The following SMIM36 variants were observed in gnomAD, a reference collection of about 807,000 sequenced individuals.
SMIM36 encodes the protein small integral membrane protein 36.
At position 55,455,370 on chromosome 17, in the gene SMIM36, C is replaced by T. The variant is rs142935151; in HGVS notation, c.*532-5072G>A. 4.9e-3 allele frequency among the ~76,000 whole-genome samples: 712 copies of T among 144,558 alleles called. 5 individuals carry two copies. The highest frequency in any genetic ancestry group is 0.034 in the East Asian group (152 of 4,438). 94.8% of individuals were successfully genotyped at this position (144,558 alleles called of 152,430 possible). ...TTCCTCTCCCACCACCCCCACGCTGCCCCCCTCCCCACACTGTTGTTCAAA... is the reference window on the plus strand; with the variant it reads ...TTCCTCTCCCACCACCCCCACGCTGTCCCCCTCCCCACACTGTTGTTCAAA... On this transcript the variant is annotated intron_variant, in intron 4 of 4. Transcript: ENST00000636752.
intron 1 of SMIM36, among the ~76,000 whole-genome samples, chr17:55,497,327 T>TG (rs1187278163): frequency 1.3e-5 from 2 of 152,062 alleles, no homozygotes; most frequent in Admixed American, 6.6e-5. Flanking sequence ...TGCAATGGCG[T>TG]GACCTTGGCT....
chr17:55,512,210 T>C (rs1162862701), upstream of SMIM36, among the ~76,000 whole-genome samples: 1 of 152,174 alleles, frequency 6.6e-6, no homozygotes, highest in Non-Finnish European at 1.5e-5. Flanking sequence ...AAGATTCTTC[T>C]AGCCACAAAG....
In SMIM36 at chr17:55,488,170, C is replaced by A. The variant is rs185840624; in HGVS notation, c.*175-8590G>T. 6.6e-5 allele frequency among the ~76,000 whole-genome samples: 10 copies of A among 152,366 alleles called. No homozygotes were observed. The East Asian group carries it at 7.7e-4, about 12-fold the overall frequency. ...ACATCTCAAAGTCAGTCTCCTGAGT[C>A]AGGCCAGGACAGTAGTCCCATGTCT... On this transcript the variant is annotated intron_variant, in intron 1 of 4. Transcript: ENST00000636752.
chr17:55,460,290 C>T (rs915412208), intron 4 of SMIM36, among the ~76,000 whole-genome samples: 5 of 151,464 alleles, frequency 3.3e-5, no homozygotes, highest in African/African-American at 9.7e-5. Context: ...TAGCCAGGTG[C>T]GGTGGCAGGT....
intron 3 of SMIM36, among the ~76,000 whole-genome samples, chr17:55,467,624 CT>C (rs1909264102): frequency 6.6e-6 from 1 of 152,152 alleles, no homozygotes; most frequent in African/African-American, 2.4e-5. Context: ...TCTCGATCTC[CT>C]GACCTCGTGA....
chr17:55,471,288 T>C (rs902586911), intron 3 of SMIM36, among the ~76,000 whole-genome samples: 3 of 152,132 alleles, frequency 2.0e-5, no homozygotes, highest in African/African-American at 7.2e-5. Flanking sequence ...TCCCATCTTA[T>C]TCAATATTTT....
chr17:55,477,965 T>A, intron 3 of SMIM36, among the ~76,000 whole-genome samples: 1 of 151,976 alleles, frequency 6.6e-6, no homozygotes, highest in East Asian at 1.9e-4. Context: ...TATTTGACAT[T>A]TCCAGCCTAA....
chr17:55,455,177 T>C (rs977078616), intron 4 of SMIM36, among the ~76,000 whole-genome samples: 4 of 152,170 alleles, frequency 2.6e-5, no homozygotes, highest in Non-Finnish European at 5.9e-5. Flanking sequence ...CAATGCTGAG[T>C]AAGTGCAAGC....
chr17:55,477,847 A>T (rs967873351), intron 3 of SMIM36, among the ~76,000 whole-genome samples: 1 of 137,336 alleles, frequency 7.3e-6, no homozygotes, highest in Non-Finnish European at 1.6e-5. Flanking sequence ...TCACGAACCT[A>T]TTACTTTTTT....
At chr17:55,512,812 T>C (rs553135028), upstream of SMIM36, among the ~76,000 whole-genome samples, 2 of 152,328 alleles carry the variant, frequency 1.3e-5, no homozygotes, top group Admixed American at 6.5e-5. Context: ...CAATAGCTAA[T>C]AGGACTTTTT....
At chr17:55,501,328 TATATA>T (rs1409614421) in intron 1 of SMIM36, among the ~76,000 whole-genome samples, 1 of 84,564 alleles carries the variant, frequency 1.2e-5, no homozygotes, top group African/African-American at 4.8e-5. Context: ...TATTTTATAA[TATATA>T]ATATATTATA....
intron 1 of SMIM36, among the ~76,000 whole-genome samples, chr17:55,495,628 A>T (rs998678341): frequency 9.0e-5 from 13 of 145,162 alleles, no homozygotes; most frequent in Admixed American, 1.4e-4. Flanking sequence ...GTCTCTATAA[A>T]TTTTTTTTTT....
At chr17:55,513,988 A>T (rs1406817383), upstream of SMIM36, among the ~76,000 whole-genome samples, 2 of 152,082 alleles carry the variant, frequency 1.3e-5, no homozygotes, top group Non-Finnish European at 2.9e-5. Flanking sequence ...TTCTATTAGC[A>T]GAGAGTTTTT....
chr17:55,465,476 A>G (rs1742227578), intron 4 of SMIM36, among the ~76,000 whole-genome samples: 1 of 152,166 alleles, frequency 6.6e-6, no homozygotes, highest in African/African-American at 2.4e-5. Context: ...TGTGGTGTGT[A>G]TGGGATATTA....
intron 3 of SMIM36, among the ~76,000 whole-genome samples, chr17:55,472,501 G>T (rs1909357300): frequency 6.6e-6 from 1 of 152,138 alleles, no homozygotes; most frequent in South Asian, 2.1e-4. Context: ...CCTCCTTAAG[G>T]CTGCTCTGCT....
chr17:55,492,122 G>A (rs2144709469), intron 1 of SMIM36, among the ~76,000 whole-genome samples: 1 of 149,960 alleles, frequency 6.7e-6, no homozygotes, highest in Non-Finnish European at 1.5e-5. Flanking sequence ...TGCTGTCACT[G>A]CACTCCAGCC....
At chr17:55,478,565 C>T (rs1163741234) in intron 3 of SMIM36, among the ~76,000 whole-genome samples, 197 bp downstream of exon 3, 3 of 152,086 alleles carry the variant, frequency 2.0e-5, no homozygotes, top group African/African-American at 2.4e-5. Context: ...AGATCTCCAA[C>T]CATCTGGTAG....
the SMIM36 span, among the ~76,000 whole-genome samples, chr17:55,516,775 G>T: frequency 6.6e-6 from 1 of 151,948 alleles, no homozygotes; most frequent in African/African-American, 2.4e-5. Context: ...GGCCAGGCTG[G>T]TCTCAAACTC....
At chr17:55,471,503 C>T (rs911446698) in intron 3 of SMIM36, among the ~76,000 whole-genome samples, 1 of 152,096 alleles carries the variant, frequency 6.6e-6, no homozygotes, top group Non-Finnish European at 1.5e-5. Flanking sequence ...CTCCCAGACC[C>T]CAATCCCCAC....
Sources: gnomAD v4.1 joint callset for allele counts (sites outside exome capture counted in the v4.1 genomes callset) on GRCh38, gnomAD v4.1.1 for gene constraint, MANE v1.5 for transcripts, NCBI Gene and HGNC (gene_info 2026-07-23, HGNC 2026-07-21) for gene names.